Variants in MDFIC observed in about 807,000 individuals in gnomAD.
MDFIC encodes the protein myoD family inhibitor domain-containing protein.
Under a neutral mutation model 23.2 loss-of-function variants are expected in MDFIC, and 17 were observed. That is an observed-to-expected ratio of 0.73 (90% confidence interval 0.50 to 1.10). MDFIC has a LOEUF of 1.10. Ranked by LOEUF, MDFIC falls within the 50% of genes least tolerant of loss-of-function variation. The pLI is 0.00. For missense variants in MDFIC, 356 were observed against 316.6 expected, an observed-to-expected ratio of 1.12 and a Z score of -0.95; for synonymous variants, 120 against 115.2, an observed-to-expected ratio of 1.04 and a Z score of -0.27.
chr7:114,993,905 G>T (rs909513045), intron 4 of MDFIC, among the ~76,000 whole-genome samples: 10 of 152,154 alleles, frequency 6.6e-5, no homozygotes, highest in Non-Finnish European at 1.5e-4. Flanking sequence ...GGGTATCCTT[G>T]TTAACTTTCT....
chr7:114,997,603 C>T (rs376621983), intron 4 of MDFIC, among the ~76,000 whole-genome samples: 64 of 149,598 alleles, frequency 4.3e-4, no homozygotes, highest in African/African-American at 1.4e-3. Context: ...ATTAACCAGG[C>T]GTGGTGCTGC....
intron 4 of MDFIC, among the ~76,000 whole-genome samples, chr7:115,002,909 A>G (rs557256131): frequency 1.3e-5 from 2 of 152,252 alleles, no homozygotes; most frequent in African/African-American, 4.8e-5. Flanking sequence ...GTGGGAGTGT[A>G]TCTCTTCATG....
chr7:114,956,248 T>C (rs1479242201), intron 3 of MDFIC, among the ~76,000 whole-genome samples: 1 of 152,054 alleles, frequency 6.6e-6, no homozygotes, highest in Admixed American at 6.6e-5. Flanking sequence ...AAGAGAAAAG[T>C]TGGAAAAATT....
Position 114,942,362 on chromosome 7 carries a change from T to C in MDFIC, c.182T>C (p.Ile61Thr), listed in dbSNP as rs1386749042. The change falls in exon 3 of 5, where the codon ATT (isoleucine) becomes ACT (threonine). Residue 61 changes from isoleucine (I) to threonine (T), a missense_variant. Coordinates refer to ENST00000393486, the MANE Select transcript of MDFIC (RefSeq NM_001166345.3). ...CATGGAGAGATGCAAGACCAGTCCA[T>C]TTGGGGAAATCCTTCGGATGGTGAA... ...FTHGEMQDQS[I>T]WGNPSDGELI... is the part of the protein sequence containing the mutation. The C allele has an allele frequency of 6.2e-7, 1 of 1,603,752 alleles. No homozygotes were observed. The highest frequency in any genetic ancestry group is 2.2e-5 in the East Asian group (1 of 44,478).
intron 3 of MDFIC, among the ~76,000 whole-genome samples, chr7:114,948,795 C>A (rs1020724457): frequency 2.0e-5 from 3 of 151,996 alleles, no homozygotes; most frequent in Non-Finnish European, 2.9e-5. Context: ...ACCTCTAGTT[C>A]TCTGGAATTG....
intron 2 of MDFIC, among the ~76,000 whole-genome samples, chr7:114,930,148 C>A (rs1200275557): frequency 6.6e-6 from 1 of 152,136 alleles, no homozygotes; most frequent in African/African-American, 2.4e-5. Context: ...CTGGGTAACA[C>A]AAAGAAATTA....
intron 2 of MDFIC, among the ~76,000 whole-genome samples, chr7:114,933,688 G>C (rs1237189742): frequency 6.6e-6 from 1 of 152,190 alleles, no homozygotes; most frequent in African/African-American, 2.4e-5. Flanking sequence ...GAAGGCTATT[G>C]CGTCTATAAG....
chr7:114,958,036 A>G (rs574281895), intron 3 of MDFIC, among the ~76,000 whole-genome samples: 1 of 152,352 alleles, frequency 6.6e-6, no homozygotes, highest in South Asian at 2.1e-4. Flanking sequence ...ACTAGCACTC[A>G]CAAAGTAGGA....
chr7:115,015,997 GA>G lies in MDFIC; in HGVS notation c.*66del. Reference sequence around the variant, plus strand: ...TTTAAAAATTTCCTTTTGGGGGGAAGAAAAGCACATTGTAAGATTCTCATGA... The same window carrying G: ...TTTAAAAATTTCCTTTTGGGGGGAAGAAAGCACATTGTAAGATTCTCATGA... On this transcript the variant is annotated 3_prime_UTR_variant, in exon 5 of 5. Coordinates refer to ENST00000393486, the MANE Select transcript of MDFIC (RefSeq NM_001166345.3). 1 of 1,485,472 alleles carries G rather than the reference GA, an allele frequency of 6.7e-7. No individual in the cohort carries two copies. The highest frequency in any genetic ancestry group is 9.1e-7 in the Non-Finnish European group (1 of 1,093,534). 92.0% of individuals were successfully genotyped at this position (1,485,472 alleles called of 1,614,324 possible). A position where few individuals can be genotyped will look rare whatever the true frequency, so the allele number is the denominator to read the frequency against.
At chr7:114,964,725 A>G (rs1185543883) in intron 3 of MDFIC, among the ~76,000 whole-genome samples, 2 of 151,980 alleles carry the variant, frequency 1.3e-5, no homozygotes, top group African/African-American at 4.8e-5. Flanking sequence ...TAGTTTTTGT[A>G]TTTTTAGTAG....
chr7:115,003,989 T>G (rs921912287), intron 4 of MDFIC, among the ~76,000 whole-genome samples: 2 of 152,220 alleles, frequency 1.3e-5, no homozygotes, highest in Non-Finnish European at 2.9e-5. Flanking sequence ...ATTTATAAAC[T>G]ACTTACAGCA....
rs1562832417 is a variant in MDFIC, at chr7:115,017,000, G to T, written c.*1065G>T. On this transcript the variant is annotated 3_prime_UTR_variant, in exon 5 of 5. Transcript: ENST00000393486. ...CAGAGAATTGCTACCAGAATATTCA[G>T]TAAGGTTTCAGGGAGAATGTGGCAT... 1 of 152,220 alleles carries T rather than the reference G, an allele frequency of 6.6e-6. No individual in the cohort carries two copies. Among genetic ancestry groups the T allele is most frequent in the African/African-American group, 2.4e-5 (1 of 41,458 alleles). The allele number at this position is 152,220 out of a possible 1,614,324, so 9.4% of individuals were successfully genotyped here. A position where few individuals can be genotyped will look rare whatever the true frequency, so the allele number is the denominator to read the frequency against.
At chr7:114,965,091 G>A (rs1015514151) in intron 3 of MDFIC, among the ~76,000 whole-genome samples, 1 of 152,206 alleles carries the variant, frequency 6.6e-6, no homozygotes, top group African/African-American at 2.4e-5. Context: ...ATTTAGCAAA[G>A]GCAGATAGTA....
chr7:114,951,443 T>A (rs1473329254), intron 3 of MDFIC, among the ~76,000 whole-genome samples: 1 of 152,158 alleles, frequency 6.6e-6, no homozygotes, highest in Non-Finnish European at 1.5e-5. Context: ...AATGATAATT[T>A]AAAAAAAGAC....
At chr7:114,949,664 G>A (rs1792721978) in intron 3 of MDFIC, among the ~76,000 whole-genome samples, 1 of 152,118 alleles carries the variant, frequency 6.6e-6, no homozygotes, top group Admixed American at 6.5e-5. Context: ...GATGGGTGTG[G>A]GTTCTGCATT....
intron 4 of MDFIC, among the ~76,000 whole-genome samples, chr7:114,996,873 C>G (rs1791343980): frequency 6.6e-6 from 1 of 152,128 alleles, no homozygotes; most frequent in South Asian, 2.1e-4. Context: ...AAACTAAGCC[C>G]TGGGCCATTA....
At chr7:114,957,537 T>C (rs564023326) in intron 3 of MDFIC, among the ~76,000 whole-genome samples, 53 of 152,304 alleles carry the variant, frequency 3.5e-4, no homozygotes, top group Non-Finnish European at 7.4e-4. Context: ...TTTTGAATAA[T>C]ATATAAATTC....
chr7:114,931,574 G>A (rs1445661591), intron 2 of MDFIC, among the ~76,000 whole-genome samples: 2 of 152,146 alleles, frequency 1.3e-5, no homozygotes, highest in Non-Finnish European at 2.9e-5. Context: ...GAAAGGATAA[G>A]ACACAAATGT....
At chr7:114,978,279 T>C (rs1339703294) in intron 3 of MDFIC, among the ~76,000 whole-genome samples, 4 of 152,054 alleles carry the variant, frequency 2.6e-5, no homozygotes, top group Non-Finnish European at 5.9e-5. Flanking sequence ...TACTCTTCCA[T>C]ATACATTTTT....
Sources: allele counts gnomAD v4.1 joint callset (sites outside exome capture counted in the v4.1 genomes callset), GRCh38; gene constraint gnomAD v4.1.1; transcripts MANE v1.5; gene names NCBI Gene and HGNC (gene_info 2026-07-23, HGNC 2026-07-21).